The following CNTN6 variants were observed in gnomAD, a reference collection of about 807,000 sequenced individuals.
CNTN6 encodes the protein contactin 6.
A neutral mutation model predicts 122.8 loss-of-function variants in CNTN6; 137 were observed. The ratio of observed to expected loss-of-function variants is 1.12; its 90% CI spans 0.97 to 1.29. The LOEUF is 1.29. Ranked by LOEUF, CNTN6 falls within the 50% of genes most tolerant of loss-of-function variation. The probability of loss-of-function intolerance (pLI) is 0.00; values close to 1 mark genes in which losing one functional copy is unlikely to be tolerated. For missense variants in CNTN6, 1,634 were observed against 1,223.4 expected (o/e 1.34, Z -5.01); for synonymous variants, 570 against 426.0 (o/e 1.34, Z -4.16).
rs17037796 is a variant in CNTN6 at position 1,328,931 on chromosome 3, C to T, written c.1214-854C>T. Among the ~76,000 whole-genome samples the T allele has an allele frequency of 6.2e-3, 942 of 151,496 alleles. 12 individuals carry two copies. The highest frequency in any genetic ancestry group is 0.022 in the African/African-American group (897 of 41,342). ...AACATATATTTAGTGGGGAAAAAAC[C>T]GACATAGTGATACAGCATTTCTGAT... On this transcript the variant is annotated intron_variant, in intron 10 of 22. Transcript: ENST00000446702.
intron 1 of CNTN6, among the ~76,000 whole-genome samples, chr3:1,117,294 A>G (rs1041078441): frequency 6.6e-6 from 1 of 152,188 alleles, no homozygotes; most frequent in Non-Finnish European, 1.5e-5. Flanking sequence ...TGGACCAAGG[A>G]CAGAAGAACA....
intron 8 of CNTN6, among the ~76,000 whole-genome samples, chr3:1,323,526 C>G (rs2127343): frequency 0.028 from 4,201 of 151,764 alleles, 213 homozygotes; most frequent in African/African-American, 0.096. Flanking sequence ...GGATTACTGA[C>G]TCAGTTACCT....
At chr3:1,257,056 T>C (rs1427874707) in intron 4 of CNTN6, among the ~76,000 whole-genome samples, 1 of 152,190 alleles carries the variant, frequency 6.6e-6, no homozygotes, top group Non-Finnish European at 1.5e-5. Context: ...TATTGCTTAA[T>C]ATGTACCCTT....
chr3:1,374,071 C>G lies in CNTN6; in HGVS notation c.2093C>G (p.Ser698Ter). The change falls in exon 16 of 23, where the codon TCA becomes TGA. Residue 698 changes from serine (S) to a stop codon, truncating the protein, a stop_gained and splice_region_variant. Coordinates refer to ENST00000446702, the MANE Select transcript of CNTN6 (RefSeq NM_001289080.2). LOFTEE classifies it high-confidence loss of function. ...EPSELLRTKA[S>*]VPVVAPVNIH... ...TCAGAATTGTTAAGAACTAAAGCAT[C>G]AGGTAAAGAATCAATGTGTTCTAAA... The G allele has an allele frequency of 1.2e-6, 2 of 1,611,968 alleles. No homozygotes were observed. Among genetic ancestry groups the G allele is most frequent in the African/African-American group, 1.3e-5 (1 of 74,892 alleles).
At chr3:1,322,658 G>A (rs1017202930) in intron 8 of CNTN6, among the ~76,000 whole-genome samples, 68 of 151,760 alleles carry the variant, frequency 4.5e-4, no homozygotes, top group African/African-American at 1.6e-3. Flanking sequence ...ATGTGTGTGT[G>A]TGTGTAATAA....
intron 1 of CNTN6, among the ~76,000 whole-genome samples, chr3:1,102,163 GC>G (rs1402054843): frequency 1.3e-5 from 2 of 152,090 alleles, no homozygotes; most frequent in Non-Finnish European, 2.9e-5. Flanking sequence ...TATTTTCAAT[GC>G]CTTTTTTGCA....
At chr3:1,210,932 C>T (rs1472065480) in intron 2 of CNTN6, among the ~76,000 whole-genome samples, 1 of 152,192 alleles carries the variant, frequency 6.6e-6, no homozygotes, top group African/African-American at 2.4e-5. Flanking sequence ...GGAATACTTT[C>T]TCAGCGACCC....
At chr3:1,340,412 C>T (rs952062519) in intron 11 of CNTN6, among the ~76,000 whole-genome samples, 1 of 152,070 alleles carries the variant, frequency 6.6e-6, no homozygotes, top group Non-Finnish European at 1.5e-5. Context: ...TTATTCACAT[C>T]AATACAAAAA....
At chr3:1,108,225 T>C (rs949780319) in intron 1 of CNTN6, among the ~76,000 whole-genome samples, 1 of 152,070 alleles carries the variant, frequency 6.6e-6, no homozygotes, top group African/African-American at 2.4e-5. Flanking sequence ...GTGTATCCCT[T>C]ATCCAAAATG....
intron 1 of CNTN6, among the ~76,000 whole-genome samples, chr3:1,140,272 T>C (rs923448): frequency 0.61 from 93,121 of 152,014 alleles, 29,615 homozygotes; most frequent in African/African-American, 0.79. Context: ...ATTACCTGCA[T>C]ATTGCAGATA....
intron 4 of CNTN6, among the ~76,000 whole-genome samples, chr3:1,248,083 C>G (rs1241160538): frequency 6.6e-6 from 1 of 152,162 alleles, no homozygotes; most frequent in African/African-American, 2.4e-5. Context: ...CTGTAACTGA[C>G]TCCAGAGCTT....
chr3:1,289,953 C>A (rs1265565986), intron 5 of CNTN6, among the ~76,000 whole-genome samples: 2 of 152,130 alleles, frequency 1.3e-5, no homozygotes, highest in African/African-American at 2.4e-5. Context: ...GGATTGCAGG[C>A]GTGAGCCAAT....
intron 12 of CNTN6, among the ~76,000 whole-genome samples, chr3:1,363,324 A>G (rs548981862): frequency 1.3e-5 from 2 of 151,946 alleles, no homozygotes; most frequent in Admixed American, 6.6e-5. Flanking sequence ...ATATATATAC[A>G]CAGATAACTG....
chr3:1,178,171 G>T (rs1248171227), intron 2 of CNTN6, among the ~76,000 whole-genome samples: 1 of 152,072 alleles, frequency 6.6e-6, no homozygotes, highest in Non-Finnish European at 1.5e-5. Flanking sequence ...AAAGTGCTGG[G>T]ATTACAGGCA....
At chr3:1,148,980 G>T (rs763869727) in intron 2 of CNTN6, among the ~76,000 whole-genome samples, 1 of 152,144 alleles carries the variant, frequency 6.6e-6, no homozygotes, top group Admixed American at 6.6e-5. Flanking sequence ...TGATGCCAAC[G>T]CTTGGAACTG....
At chr3:1,391,319 A>G (rs1694109727) in intron 20 of CNTN6, among the ~76,000 whole-genome samples, 1 of 125,184 alleles carries the variant, frequency 8.0e-6, no homozygotes, top group Non-Finnish European at 1.6e-5. Flanking sequence ...AATTATCTCA[A>G]TAGATGCAGA....
chr3:1,300,775 C>T (rs1697243383), intron 7 of CNTN6, among the ~76,000 whole-genome samples: 1 of 151,896 alleles, frequency 6.6e-6, no homozygotes, highest in African/African-American at 2.4e-5. Flanking sequence ...AAGTGTAAAC[C>T]TGTGCTACAT....
At chr3:1,302,795 G>A (rs1347005557) in intron 7 of CNTN6, among the ~76,000 whole-genome samples, 1 of 151,720 alleles carries the variant, frequency 6.6e-6, no homozygotes, top group African/African-American at 2.4e-5. Context: ...CTATGGTTTG[G>A]TGTTTGTCAT....
chr3:1,245,223 T>A (rs1385371804), intron 4 of CNTN6, among the ~76,000 whole-genome samples: 1 of 18,802 alleles, frequency 5.3e-5, no homozygotes, highest in African/African-American at 3.2e-4. Flanking sequence ...TATATATATA[T>A]ATATATATAT....
Sources: gnomAD v4.1 joint callset for allele counts (sites outside exome capture counted in the v4.1 genomes callset) on GRCh38, gnomAD v4.1.1 for gene constraint, MANE v1.5 for transcripts, NCBI Gene and HGNC (gene_info 2026-07-23, HGNC 2026-07-21) for gene names.